Variants in CNTN1 observed in about 807,000 individuals in gnomAD.
CNTN1 encodes contactin-1.
A neutral mutation model predicts 126.4 loss-of-function variants in CNTN1; 38 were observed. The ratio of observed to expected loss-of-function variants is 0.30; its 90% CI spans 0.23 to 0.39. CNTN1 has a LOEUF of 0.39. Ranked by LOEUF, CNTN1 falls within the 10% of genes least tolerant of loss-of-function variation. The probability of loss-of-function intolerance (pLI) is 1.00; values close to 1 mark genes in which losing one functional copy is unlikely to be tolerated. For synonymous variants in CNTN1, 413 were observed against 422.6 expected (o/e 0.98, Z 0.28); for missense variants, 1,009 against 1,248.4 (o/e 0.81, Z 2.89).
chr12:40,996,734 T>C (rs773301808), intron 17 of CNTN1, among the ~76,000 whole-genome samples: 17 of 152,244 alleles, frequency 1.1e-4, no homozygotes, highest in Non-Finnish European at 2.2e-4. Context: ...ATTTTATGTA[T>C]TTGATATAAA....
At chr12:40,760,232 G>A (rs1013120446) in intron 1 of CNTN1, among the ~76,000 whole-genome samples, 8 of 151,980 alleles carry the variant, frequency 5.3e-5, no homozygotes, top group African/African-American at 1.9e-4. Context: ...GTTCATACTG[G>A]CTTTTACAAT....
At chr12:40,698,043 T>C (rs1941494293) in intron 1 of CNTN1, among the ~76,000 whole-genome samples, 1 of 152,096 alleles carries the variant, frequency 6.6e-6, no homozygotes, top group African/African-American at 2.4e-5. Flanking sequence ...GACCTGAGCA[T>C]GTCACCACTT....
chr12:40,911,337 C>T (rs749501386), intron 3 of CNTN1, among the ~76,000 whole-genome samples: 1 of 152,254 alleles, frequency 6.6e-6, no homozygotes, highest in Non-Finnish European at 1.5e-5. Context: ...GCCTTAGCCT[C>T]CCAAAGAGCT....
intron 15 of CNTN1, among the ~76,000 whole-genome samples, chr12:40,963,128 A>G (rs1325739632): frequency 2.6e-5 from 4 of 152,144 alleles, no homozygotes. Flanking sequence ...TATATAAAAA[A>G]TGAAAATTGA....
At chr12:40,950,110 G>GTT (rs1266791057) in intron 14 of CNTN1, among the ~76,000 whole-genome samples, 8 of 27,478 alleles carry the variant, frequency 2.9e-4, no homozygotes, top group African/African-American at 1.1e-3. Flanking sequence ...GTGTGTGTGT[G>GTT]TGTGTGTGTG....
At chr12:40,694,719 C>T (rs1941403994) in intron 1 of CNTN1, among the ~76,000 whole-genome samples, 1 of 152,186 alleles carries the variant, frequency 6.6e-6, no homozygotes, top group African/African-American at 2.4e-5. Flanking sequence ...TACCAAGTTA[C>T]CATCATAGGC....
rs781197610 is a variant in CNTN1, at chr12:40,954,786, G to C, written c.1684-4328G>C. Among the ~76,000 whole-genome samples the C allele has an allele frequency of 4.6e-5, 7 of 152,170 alleles. No individual in the cohort carries two copies. The East Asian group carries it at 7.7e-4, about 17-fold the overall frequency. ...AAAGCACACAGGGCAGAGTCAAGAA[G>C]TACAAAACACAGAGCTTCTATTATC... is the stretch of plus-strand genomic sequence containing the variant. On this transcript the variant is annotated intron_variant, in intron 14 of 23. Coordinates refer to ENST00000551295, the MANE Select transcript of CNTN1 (RefSeq NM_001843.4).
In CNTN1 at chr12:40,788,042, A is replaced by G. The variant is rs549980223; in HGVS notation, c.-77+95450A>G. ...TCACTATTAAAAATAAAAAAATACT[A>G]GAATTCAAACTCAGTCTTTTTTATT... is the stretch of plus-strand genomic sequence containing the variant. On this transcript the variant is annotated intron_variant, in intron 1 of 23. Transcript: ENST00000551295. Among the ~76,000 whole-genome samples, 13 of 152,272 alleles carry G rather than the reference A, an allele frequency of 8.5e-5. No individual in the cohort carries two copies. The East Asian group carries it at 1.9e-3, about 23-fold the overall frequency.
At chr12:41,029,532 A>C (rs1243168302) in intron 23 of CNTN1, among the ~76,000 whole-genome samples, 1 of 152,204 alleles carries the variant, frequency 6.6e-6, no homozygotes, top group East Asian at 1.9e-4. Context: ...GATTGTGGTA[A>C]TCATTATACA....
At chr12:40,974,996 G>A (rs1378749240) in intron 15 of CNTN1, among the ~76,000 whole-genome samples, 1 of 151,766 alleles carries the variant, frequency 6.6e-6, no homozygotes, top group African/African-American at 2.4e-5. Context: ...TTACTTGGAA[G>A]TCTTTTGCAG....
intron 14 of CNTN1, among the ~76,000 whole-genome samples, chr12:40,952,057 T>C (rs1592311961): frequency 6.6e-6 from 1 of 151,930 alleles, no homozygotes; most frequent in East Asian, 1.9e-4. Context: ...CTTGAAAATT[T>C]AAATAGCAAA....
At chr12:40,841,591 C>T (rs1942283126) in intron 1 of CNTN1, among the ~76,000 whole-genome samples, 1 of 151,942 alleles carries the variant, frequency 6.6e-6, no homozygotes, top group Non-Finnish European at 1.5e-5. Context: ...GATCAAGTGG[C>T]ATTTATACCA....
chr12:40,702,562 A>AGCCTCCC (rs1187227511), intron 1 of CNTN1, among the ~76,000 whole-genome samples: 2 of 152,074 alleles, frequency 1.3e-5, no homozygotes, highest in African/African-American at 4.8e-5. Context: ...ATCCTGCCTC[A>AGCCTCCC]GCCTCCCAAG....
At chr12:41,061,932 A>G (rs1208516614) in intron 23 of CNTN1, 2 of 310,304 alleles carry the variant, frequency 6.4e-6, no homozygotes, top group Non-Finnish European at 1.3e-5. Context: ...TTAGTATTTG[A>G]GTGTTGCTAT....
chr12:40,989,641 C>G (rs1374653857), intron 16 of CNTN1, among the ~76,000 whole-genome samples: 3 of 152,112 alleles, frequency 2.0e-5, no homozygotes, highest in Admixed American at 1.3e-4. Context: ...ACTGTCCACT[C>G]TAAATAGACA....
rs957638697 is a variant in CNTN1, at chr12:40,933,630, G to A, written c.804-67G>A. The A allele has an allele frequency of 5.3e-6, 8 of 1,523,336 alleles. No homozygotes were observed. In the East Asian group the frequency reaches 6.8e-5, roughly 13 times the overall value. The allele number at this position is 1,523,336 out of a possible 1,614,324, so 94.4% of individuals were successfully genotyped here. A position where few individuals can be genotyped will look rare whatever the true frequency, so the allele number is the denominator to read the frequency against. Reference sequence around the variant, plus strand: ...ATTTTAGGAAATAAATAATTGTTTAGCTATAAACATAAAGTAATTGTCTTT... The same window carrying A: ...ATTTTAGGAAATAAATAATTGTTTAACTATAAACATAAAGTAATTGTCTTT... On this transcript the variant is annotated intron_variant, in intron 8 of 23. Transcript: ENST00000551295.
chr12:40,982,113 A>C (rs1267333188), intron 16 of CNTN1, among the ~76,000 whole-genome samples: 1 of 152,148 alleles, frequency 6.6e-6, no homozygotes, highest in East Asian at 1.9e-4. Flanking sequence ...ATCAAATATA[A>C]ACTTGAGGTC....
In CNTN1 at chr12:40,857,235, A is replaced by G. The variant is rs918605315; in HGVS notation, c.-76-51122A>G. Reference sequence around the variant, plus strand: ...TGGTAGACTTAGAGTCAATTTTAATAACAAATCTACACAACTTTTCCAAAG... The same window carrying G: ...TGGTAGACTTAGAGTCAATTTTAATGACAAATCTACACAACTTTTCCAAAG... On this transcript the variant is annotated intron_variant, in intron 1 of 23. Coordinates refer to ENST00000551295, the MANE Select transcript of CNTN1 (RefSeq NM_001843.4). 7.2e-5 allele frequency among the ~76,000 whole-genome samples: 11 copies of G among 151,992 alleles called. No homozygotes were observed. In the East Asian group the frequency reaches 1.4e-3, roughly 19 times the overall value.
intron 15 of CNTN1, chr12:40,971,664 C>G (rs992594960): frequency 1.1e-5 from 16 of 1,447,014 alleles, no homozygotes; most frequent in Non-Finnish European, 1.4e-5. Context: ...TGTAAACATA[C>G]TTTGGGCATA....
Sources: gnomAD v4.1 joint callset for allele counts (sites outside exome capture counted in the v4.1 genomes callset) on GRCh38, gnomAD v4.1.1 for gene constraint, MANE v1.5 for transcripts, NCBI Gene and HGNC (gene_info 2026-07-23, HGNC 2026-07-21) for gene names.